The following B4GALNT3 variants were observed in gnomAD, a reference collection of about 807,000 sequenced individuals.
The protein encoded by B4GALNT3 is beta-1,4-N-acetyl-galactosaminyltransferase 3.
B4GALNT3 carries 86 observed loss-of-function variants against 120.2 expected under a neutral mutation model. The observed-to-expected ratio is 0.72, with a 90% CI of 0.60 to 0.86. The LOEUF (loss-of-function observed/expected upper bound fraction) is 0.86, where lower values mean the gene tolerates loss of function less well. Among genes scored for constraint, B4GALNT3 ranks in the 40% least tolerant of loss-of-function variants. B4GALNT3 has a pLI of 0.00. For synonymous variants in B4GALNT3, 518 were observed against 510.4 expected (o/e 1.01, Z -0.20); for missense variants, 1,167 against 1,298.9 (o/e 0.90, Z 1.56).
rs76330720 is a variant in B4GALNT3, at chr12:554,756, C to G, written c.2060+773C>G. On this transcript the variant is annotated intron_variant, in intron 14 of 19. Transcript: ENST00000266383. ...AGTGAGCTGAGATTGCGCCACTGCA[C>G]TCCAGCCTGGGCGACAGAGCAAGAC... is the stretch of plus-strand genomic sequence containing the variant. Among the ~76,000 whole-genome samples, 664 of 106,974 alleles carry G rather than the reference C, an allele frequency of 6.2e-3. 4 individuals are homozygous for G. The highest frequency in any genetic ancestry group is 0.011 in the Admixed American group (88 of 7,922). The allele number at this position is 106,974 out of a possible 152,430, so 70.2% of individuals were successfully genotyped here.
chr12:475,402 G>C (rs1167447702), intron 1 of B4GALNT3, among the ~76,000 whole-genome samples: 1 of 152,190 alleles, frequency 6.6e-6, no homozygotes, highest in African/African-American at 2.4e-5. Context: ...AAGAGAGCCA[G>C]GAAGAACCCT....
rs1946974383 is a variant in B4GALNT3, at chr12:544,987, A to C, written c.538+15A>C. On this transcript the variant is annotated intron_variant, in intron 5 of 19. Transcript: ENST00000266383. ...CTTTACTGATGGTGAGGCCAGCCCC[A>C]AAACCCCATCCTTCTTCCTGCTCTA... 5.6e-6 allele frequency: 9 copies of C among 1,611,910 alleles called. No homozygotes were observed. The highest frequency in any genetic ancestry group is 2.7e-5 in the African/African-American group (2 of 74,936).
At chr12:519,201 T>C (rs1289706868) in intron 1 of B4GALNT3, among the ~76,000 whole-genome samples, 1 of 152,202 alleles carries the variant, frequency 6.6e-6, no homozygotes, top group Non-Finnish European at 1.5e-5. Context: ...CCCTACAAAT[T>C]GCCTACAACA....
At chr12:476,106 G>A (rs61916615) in intron 1 of B4GALNT3, among the ~76,000 whole-genome samples, 8,020 of 152,166 alleles carry the variant, frequency 0.053, 318 homozygotes, top group East Asian at 0.2. Context: ...TTTGATCCCC[G>A]GCTCTTGTCC....
At chr12:475,079 A>C (rs1179230744) in intron 1 of B4GALNT3, among the ~76,000 whole-genome samples, 1 of 151,966 alleles carries the variant, frequency 6.6e-6, no homozygotes, top group Non-Finnish European at 1.5e-5. Context: ...TCACCGCTGT[A>C]CTCCAGCCTG....
intron 3 of B4GALNT3, among the ~76,000 whole-genome samples, chr12:543,879 G>A (rs79068196): frequency 1.6e-5 from 2 of 125,562 alleles, no homozygotes; most frequent in Non-Finnish European, 1.7e-5. Context: ...CGGGCATGGG[G>A]TGCTCATCTT....
At chr12:554,762 C>T (rs1403962002) in intron 14 of B4GALNT3, among the ~76,000 whole-genome samples, 115 of 107,906 alleles carry the variant, frequency 1.1e-3, no homozygotes, top group Admixed American at 2.9e-3. Flanking sequence ...TGCACTCCAG[C>T]CTGGGCGACA....
chr12:464,035 G>A (rs922571173), intron 1 of B4GALNT3, among the ~76,000 whole-genome samples: 3 of 152,204 alleles, frequency 2.0e-5, no homozygotes, highest in Admixed American at 6.5e-5. Context: ...GGGTCCTGAC[G>A]AGTCCCCTTG....
chr12:482,587 T>C (rs932934304), intron 1 of B4GALNT3, among the ~76,000 whole-genome samples: 1 of 152,218 alleles, frequency 6.6e-6, no homozygotes, highest in Non-Finnish European at 1.5e-5. Flanking sequence ...GGGATTCGTC[T>C]GTATTTGGTA....
At chr12:492,979 T>C (rs1057371985) in intron 1 of B4GALNT3, among the ~76,000 whole-genome samples, 4 of 151,882 alleles carry the variant, frequency 2.6e-5, no homozygotes, top group African/African-American at 9.7e-5. Flanking sequence ...TTTGAAACTG[T>C]AAAACTTCTA....
chr12:540,870 A>G (rs1469599312), intron 3 of B4GALNT3, among the ~76,000 whole-genome samples: 1 of 151,794 alleles, frequency 6.6e-6, no homozygotes, highest in African/African-American at 2.4e-5. Context: ...CAGCCTCCCG[A>G]GCAGCTGGGA....
At chr12:532,008 C>A (rs532133519) in intron 1 of B4GALNT3, among the ~76,000 whole-genome samples, 118 of 151,592 alleles carry the variant, frequency 7.8e-4, no homozygotes, top group African/African-American at 2.7e-3. Flanking sequence ...GTTATGTTGC[C>A]CATATGTTGC....
chr12:494,299 A>AC (rs1249190050), intron 1 of B4GALNT3, among the ~76,000 whole-genome samples: 1 of 151,272 alleles, frequency 6.6e-6, no homozygotes, highest in Non-Finnish European at 1.5e-5. Flanking sequence ...GAAAGAAAAA[A>AC]AAAAAAAAGC....
rs76402084 is a variant in B4GALNT3, at chr12:522,564, G to C, written c.170-12602G>C. 5.6e-3 allele frequency among the ~76,000 whole-genome samples: 851 copies of C among 152,292 alleles called. 30 individuals carry two copies. In the East Asian group the frequency reaches 0.1, roughly 19 times the overall value. On this transcript the variant is annotated intron_variant, in intron 1 of 19. Coordinates refer to ENST00000266383, the MANE Select transcript of B4GALNT3 (RefSeq NM_173593.4). Reference sequence around the variant, plus strand: ...TGGGTACGGAGTTTCAGTTCGGCATGATGGGGAGGTTCCAGAGGTGGATGG... The same window carrying C: ...TGGGTACGGAGTTTCAGTTCGGCATCATGGGGAGGTTCCAGAGGTGGATGG...
intron 1 of B4GALNT3, among the ~76,000 whole-genome samples, chr12:480,361 G>A (rs182717843): frequency 8.5e-6 from 1 of 117,118 alleles, no homozygotes; most frequent in South Asian, 2.8e-4. Flanking sequence ...AACTGGCTCT[G>A]TGACTTTGAG....
chr12:504,960 G>T (rs1332761181), intron 1 of B4GALNT3, among the ~76,000 whole-genome samples: 1 of 150,510 alleles, frequency 6.6e-6, no homozygotes, highest in African/African-American at 2.4e-5. Context: ...GCGCGATCTC[G>T]GCTCACTGCA....
In B4GALNT3 at chr12:546,783, C is replaced by T. The variant is rs982787924; in HGVS notation, c.707+70C>T. On this transcript the variant is annotated intron_variant, in intron 7 of 19. Coordinates refer to ENST00000266383, the MANE Select transcript of B4GALNT3 (RefSeq NM_173593.4). ...GGTGGAGCCCGGCTGCGCCCCTGTC[C>T]GCCAGCCCAGCTGCCGACTCCAGAG... 55 of 1,443,588 alleles carry T rather than the reference C, an allele frequency of 3.8e-5. No individual in the cohort carries two copies. In the Admixed American group the frequency reaches 1.0e-3, roughly 28 times the overall value. The allele number at this position is 1,443,588 out of a possible 1,614,324, so 89.4% of individuals were successfully genotyped here.
rs1947011463 is a variant in B4GALNT3 at position 546,627 on chromosome 12, C to G, written c.640-19C>G. 2 of 1,550,016 alleles carry G rather than the reference C, an allele frequency of 1.3e-6. No homozygotes were observed. The highest frequency in any genetic ancestry group is 1.4e-5 in the African/African-American group (1 of 73,000). ...GTTTTCTCTGTTCCTCCCTCCTCTT[C>G]TCTCTTCCACACCTCTAGACTGGAA... On this transcript the variant is annotated intron_variant, in intron 6 of 19. Coordinates refer to ENST00000266383, the MANE Select transcript of B4GALNT3 (RefSeq NM_173593.4).
Position 553,812 on chromosome 12 carries a change from C to G in B4GALNT3, c.1889C>G (p.Pro630Arg), listed in dbSNP as rs373238426. Residue 630 changes from proline (P) to arginine (R), a missense_variant, in exon 14 of 20, where the codon CCG becomes CGG. Physicochemically the swap from Pro to Arg is moderately radical, Grantham distance 103. Coordinates refer to ENST00000266383, the MANE Select transcript of B4GALNT3 (RefSeq NM_173593.4). ...TTCGAGTACGTACCTGTGTTTGACC[C>G]GGTAGTAAACTGGGACCAGACCTTC... ...EVFEYVPVFD[P>R]VVNWDQTFSA... 3.7e-6 allele frequency: 6 copies of G among 1,614,088 alleles called. No individual in the cohort carries two copies. The African/African-American group carries it at 8.0e-5, about 22-fold the overall frequency.
Sources: gnomAD v4.1 joint callset for allele counts (sites outside exome capture counted in the v4.1 genomes callset) on GRCh38, gnomAD v4.1.1 for gene constraint, MANE v1.5 for transcripts, NCBI Gene and HGNC (gene_info 2026-07-23, HGNC 2026-07-21) for gene names.